PITPNC1: variants seen among roughly 807,000 people sequenced by gnomAD.
The protein encoded by PITPNC1 is cytoplasmic phosphatidylinositol transfer protein 1.
In PITPNC1, 18 loss-of-function variants were observed where a neutral mutation model predicts 44.7. The ratio of observed to expected loss-of-function variants is 0.40; its 90% CI spans 0.28 to 0.60. PITPNC1 has a LOEUF of 0.60. PITPNC1 is among the 20% of genes least tolerant of loss of function. The pLI, the probability that PITPNC1 is intolerant of heterozygous loss-of-function variation, is 0.39. For synonymous variants in PITPNC1, 141 were observed against 149.6 expected (o/e 0.94, Z 0.42); for missense variants, 290 against 418.4 (o/e 0.69, Z 2.68).
intron 5 of PITPNC1, among the ~76,000 whole-genome samples, chr17:67,596,384 A>G (rs1047476365): frequency 6.6e-6 from 1 of 152,136 alleles, no homozygotes; most frequent in Admixed American, 6.6e-5. Flanking sequence ...TAGAAAAAAA[A>G]GTATTGCTTT....
In PITPNC1 at chr17:67,597,490, G is replaced by A. The variant is rs1428941619; in HGVS notation, c.366+19233G>A. On this transcript the variant is annotated intron_variant, in intron 5 of 8. Coordinates refer to ENST00000581322, the MANE Select transcript of PITPNC1 (RefSeq NM_012417.4). This position sits in a 1 kb window ranked among gnomAD's most constrained non-coding sequence, Gnocchi z 4.0. ...AATCACTTGAATACGGGAGGTGGAGGTTGCAGTGAGCTGAGATCATGCTGC... is the reference window on the plus strand; with the variant it reads ...AATCACTTGAATACGGGAGGTGGAGATTGCAGTGAGCTGAGATCATGCTGC... 2.6e-5 allele frequency among the ~76,000 whole-genome samples: 4 copies of A among 152,066 alleles called. No individual in the cohort carries two copies. Among genetic ancestry groups the A allele is most frequent in the Admixed American group, 6.6e-5 (1 of 15,264 alleles).
At chr17:67,627,790 T>C (rs1223684764) in intron 5 of PITPNC1, among the ~76,000 whole-genome samples, 1 of 152,192 alleles carries the variant, frequency 6.6e-6, no homozygotes, top group Non-Finnish European at 1.5e-5. Context: ...AGCAAGCCTC[T>C]TTACTTCTTT....
chr17:67,611,586 G>C (rs2041687979), intron 5 of PITPNC1: 1 of 152,354 alleles, frequency 6.6e-6, no homozygotes. Flanking sequence ...CAATTCTCCT[G>C]CCTCAGCCTC....
intron 1 of PITPNC1, among the ~76,000 whole-genome samples, chr17:67,435,325 G>A (rs866717630): frequency 2.0e-5 from 3 of 152,162 alleles, no homozygotes; most frequent in African/African-American, 4.8e-5. Context: ...TGACGTTTCT[G>A]TAACCTTCAC....
chr17:67,409,714 T>G (rs1159325610), intron 1 of PITPNC1, among the ~76,000 whole-genome samples: 1 of 151,868 alleles, frequency 6.6e-6, no homozygotes, highest in Non-Finnish European at 1.5e-5. Flanking sequence ...AATTTTGTAT[T>G]TTTAGTAGAG....
At chr17:67,490,447 G>A (rs2039848627) in intron 1 of PITPNC1, among the ~76,000 whole-genome samples, 1 of 151,866 alleles carries the variant, frequency 6.6e-6, no homozygotes, top group Non-Finnish European at 1.5e-5. Flanking sequence ...TTTTAAAAAT[G>A]TCCCCTCTAG....
In PITPNC1 at chr17:67,532,829, A is replaced by G; in HGVS notation, c.76A>G (p.Ser26Gly). ...CAAAATTGGACAGCTGTACATGATC[A>G]GCAAACACAGCCATGAACAGAGTGA... ...EYKIGQLYMI[S>G]KHSHEQSDRG... Residue 26 changes from serine (S) to glycine (G), a missense_variant, in exon 2 of 9, where the codon AGC becomes GGC. Coordinates refer to ENST00000581322, the MANE Select transcript of PITPNC1 (RefSeq NM_012417.4). 1 of 1,576,726 alleles carries G rather than the reference A, an allele frequency of 6.3e-7. No individual in the cohort carries two copies. The highest frequency in any genetic ancestry group is 8.6e-7 in the Non-Finnish European group (1 of 1,161,324).
intron 5 of PITPNC1, among the ~76,000 whole-genome samples, chr17:67,583,897 T>TGTGTGTGTGTGTGTGTG (rs1568052082): frequency 4.7e-5 from 5 of 106,470 alleles, no homozygotes; most frequent in African/African-American, 1.4e-4. Context: ...GTGTGTGTGT[T>TGTGTGTGTGTGTGTGTG]TGTGTGTGTG....
At chr17:67,599,020 ATATATATATATATATTT>A (rs1350665934) in intron 5 of PITPNC1, among the ~76,000 whole-genome samples, 5 of 39,262 alleles carry the variant, frequency 1.3e-4, no homozygotes, top group African/African-American at 3.3e-4. Context: ...ATATATATAT[ATATATATATATATATTT>A]TTTTTTTTTT....
At chr17:67,579,891 G>T (rs1162183297) in intron 5 of PITPNC1, among the ~76,000 whole-genome samples, 1 of 150,910 alleles carries the variant, frequency 6.6e-6, no homozygotes, top group Non-Finnish European at 1.5e-5. Context: ...AGTGAGCGCA[G>T]ATCGCGCCAC....
At position 67,451,332 on chromosome 17, in the gene PITPNC1, A is replaced by G. The variant is rs183007940; in HGVS notation, c.48+73130A>G. On this transcript the variant is annotated intron_variant, in intron 1 of 8. Coordinates refer to ENST00000581322, the MANE Select transcript of PITPNC1 (RefSeq NM_012417.4). The stretch of plus-strand genomic sequence containing the variant: ...CAGGTGTGAGCCACCGTGCCTGGCT[A>G]AAAATTCTTTTTTGCACATGATAAA... Among the ~76,000 whole-genome samples, 23 of 152,212 alleles carry G rather than the reference A, an allele frequency of 1.5e-4. No homozygotes were observed. In the East Asian group the frequency reaches 4.5e-3, roughly 29 times the overall value.
chr17:67,566,591 A>G (rs2040984225), intron 4 of PITPNC1, among the ~76,000 whole-genome samples: 1 of 152,254 alleles, frequency 6.6e-6, no homozygotes, highest in South Asian at 2.1e-4. Flanking sequence ...TGTGTTTTCA[A>G]GGTACTAGGG....
chr17:67,689,526 T>C (rs940857750), intron 8 of PITPNC1, among the ~76,000 whole-genome samples: 2 of 152,222 alleles, frequency 1.3e-5, no homozygotes, highest in African/African-American at 2.4e-5. Context: ...GAGGTGGCTC[T>C]TTGTCACAAA....
intron 6 of PITPNC1, among the ~76,000 whole-genome samples, chr17:67,652,841 G>A (rs973224389): frequency 6.7e-6 from 1 of 150,258 alleles, no homozygotes; most frequent in African/African-American, 2.5e-5. Context: ...CTCATGTTAT[G>A]GGTTTGTGTC....
At chr17:67,468,922 T>A (rs1749868695) in intron 1 of PITPNC1, among the ~76,000 whole-genome samples, 1 of 152,030 alleles carries the variant, frequency 6.6e-6, no homozygotes, top group Non-Finnish European at 1.5e-5. Flanking sequence ...AGAGACGAGG[T>A]TTCGCCATGT....
intron 1 of PITPNC1, among the ~76,000 whole-genome samples, chr17:67,459,242 C>T (rs991001748): frequency 5.9e-5 from 9 of 151,746 alleles, no homozygotes; most frequent in Middle Eastern, 6.8e-3. Flanking sequence ...CTCAGCCTCC[C>T]GAGTAGCTGG....
intron 4 of PITPNC1, among the ~76,000 whole-genome samples, chr17:67,575,870 C>CCT (rs1568047895): frequency 1.5e-4 from 8 of 53,466 alleles, no homozygotes; most frequent in African/African-American, 6.4e-4. Context: ...TTCCTTCTTT[C>CCT]TTTCTTTCCT....
chr17:67,684,113 A>AT (rs35849301), intron 8 of PITPNC1, among the ~76,000 whole-genome samples: 7,257 of 135,794 alleles, frequency 0.053, 780 homozygotes, highest in African/African-American at 0.18. Context: ...AAAATAACAA[A>AT]TTTTTTTTTT....
chr17:67,440,034 T>G (rs2038991014), intron 1 of PITPNC1, among the ~76,000 whole-genome samples: 3 of 152,182 alleles, frequency 2.0e-5, no homozygotes, highest in Admixed American at 2.0e-4. Flanking sequence ...AAATGAGAAC[T>G]GTCTGTTGGC....
Sources: gnomAD v4.1 joint callset for allele counts (sites outside exome capture counted in the v4.1 genomes callset) on GRCh38, gnomAD v4.1.1 for gene constraint, Gnocchi (gnomAD v3.1) non-coding constraint, MANE v1.5 for transcripts, NCBI Gene and HGNC (gene_info 2026-07-23, HGNC 2026-07-21) for gene names.